The following PRKG1 variants were observed in gnomAD, a reference collection of about 807,000 sequenced individuals.
PRKG1 encodes protein kinase cGMP-dependent 1.
A neutral mutation model predicts 88.1 loss-of-function variants in PRKG1; 35 were observed. The observed-to-expected ratio is 0.40, with a 90% CI of 0.30 to 0.53. The LOEUF is 0.53. Among genes scored for constraint, PRKG1 ranks in the 20% least tolerant of loss-of-function variants. The pLI is 0.59. For missense variants in PRKG1, 540 were observed against 839.8 expected, an observed-to-expected ratio of 0.64 and a Z score of 4.41; for synonymous variants, 303 against 292.5, an observed-to-expected ratio of 1.04 and a Z score of -0.37.
At position 52,188,268 on chromosome 10, in the gene PRKG1, GTA is replaced by G. The variant is rs1839263351; in HGVS notation, c.1076+26314_1076+26315del. Among the ~76,000 whole-genome samples, 2 of 6,874 alleles carry G rather than the reference GTA, an allele frequency of 2.9e-4. 1 individual carries two copies. The highest frequency in any genetic ancestry group is 0.011 in the South Asian group (2 of 180). 4.5% of individuals were successfully genotyped at this position (6,874 alleles called of 152,430 possible). A position where few individuals can be genotyped will look rare whatever the true frequency, so the allele number is the denominator to read the frequency against. On this transcript the variant is annotated intron_variant, in intron 9 of 17. Coordinates refer to ENST00000373980, the MANE Select transcript of PRKG1 (RefSeq NM_006258.4). ...TATATATGTGTATATATATACATAT[GTA>G]TATATATACATATATATGTGTATAT...
intron 3 of PRKG1, among the ~76,000 whole-genome samples, chr10:51,559,252 T>A (rs140056546): frequency 3.0e-4 from 46 of 152,104 alleles, no homozygotes; most frequent in Non-Finnish European, 5.6e-4. Context: ...TCAGGGAAAA[T>A]GCCTTATACA....
Position 52,118,641 on chromosome 10 carries a change from G to A in PRKG1, c.936-15199G>A, listed in dbSNP as rs79286529. Among the ~76,000 whole-genome samples, 403 of 152,062 alleles carry A rather than the reference G, an allele frequency of 2.7e-3. 5 individuals are homozygous for A. The highest frequency in any genetic ancestry group is 9.1e-3 in the African/African-American group (377 of 41,528). On this transcript the variant is annotated intron_variant, in intron 7 of 17. Coordinates refer to ENST00000373980, the MANE Select transcript of PRKG1 (RefSeq NM_006258.4). The stretch of plus-strand genomic sequence containing the variant: ...ATTAATGCTATTTTAAGTTTTGACT[G>A]TATACAGAAGTTTGGCTTTTAGTAC...
chr10:51,695,977 G>A (rs1005690901), intron 3 of PRKG1: 4 of 152,028 alleles, frequency 2.6e-5, no homozygotes, highest in African/African-American at 9.7e-5. Flanking sequence ...CAACATTTAT[G>A]TTCACATCCT....
intron 2 of PRKG1, among the ~76,000 whole-genome samples, chr10:51,439,122 G>A (rs989409673): frequency 6.6e-6 from 1 of 151,454 alleles, no homozygotes; most frequent in Non-Finnish European, 1.5e-5. Flanking sequence ...AGAATGTTTC[G>A]CCCCCCCTTA....
chr10:51,679,502 T>A (rs1192320144), intron 3 of PRKG1, among the ~76,000 whole-genome samples: 2 of 152,098 alleles, frequency 1.3e-5, no homozygotes, highest in African/African-American at 4.8e-5. Flanking sequence ...AAATCTGAAC[T>A]TTTCATTTCG....
intron 1 of PRKG1, among the ~76,000 whole-genome samples, chr10:51,112,217 T>G (rs540729273): frequency 6.6e-6 from 1 of 152,242 alleles, no homozygotes; most frequent in South Asian, 2.1e-4. Context: ...TAGCTTACAT[T>G]TAATACTTTT....
chr10:51,982,802 A>T (rs989997046), intron 5 of PRKG1, among the ~76,000 whole-genome samples: 2 of 151,188 alleles, frequency 1.3e-5, no homozygotes, highest in African/African-American at 2.5e-5. Flanking sequence ...TTCCAGCAGC[A>T]GCAGCAGCAG....
chr10:51,814,529 AC>A (rs1315351479), intron 4 of PRKG1, among the ~76,000 whole-genome samples: 8 of 152,142 alleles, frequency 5.3e-5, no homozygotes, highest in Non-Finnish European at 1.5e-5. Flanking sequence ...AGTTTGTGAA[AC>A]CTGCATTAGA....
chr10:51,398,251 T>C (rs1208595036), intron 2 of PRKG1, among the ~76,000 whole-genome samples: 2 of 152,074 alleles, frequency 1.3e-5, no homozygotes, highest in Non-Finnish European at 2.9e-5. Context: ...TCATCTCAGA[T>C]CATCAGTCAT....
At chr10:51,733,886 A>G (rs1837187707) in intron 3 of PRKG1, among the ~76,000 whole-genome samples, 2 of 152,166 alleles carry the variant, frequency 1.3e-5, no homozygotes, top group Non-Finnish European at 2.9e-5. Context: ...GGTGTTAATT[A>G]GAACTCTGCA....
At chr10:52,068,354 G>A (rs1027057505) in intron 7 of PRKG1, among the ~76,000 whole-genome samples, 1 of 152,090 alleles carries the variant, frequency 6.6e-6, no homozygotes, top group African/African-American at 2.4e-5. Flanking sequence ...TACCCAAAAG[G>A]GATGGGATTA....
chr10:51,984,832 A>C (rs1844110751), intron 5 of PRKG1, among the ~76,000 whole-genome samples: 1 of 152,190 alleles, frequency 6.6e-6, no homozygotes, highest in Admixed American at 6.5e-5. Context: ...TAGAAGATTT[A>C]ACAGAAAAAG....
At chr10:51,462,221 A>C (rs1216172716) in intron 2 of PRKG1, among the ~76,000 whole-genome samples, 1 of 152,186 alleles carries the variant, frequency 6.6e-6, no homozygotes, top group Non-Finnish European at 1.5e-5. Context: ...GTTCCCTTTA[A>C]TAGTCAATCA....
At chr10:52,133,481 T>G (rs16927132) in intron 7 of PRKG1, among the ~76,000 whole-genome samples, 1 of 151,974 alleles carries the variant, frequency 6.6e-6, no homozygotes, top group South Asian at 2.1e-4. Context: ...TCTAGAAGTA[T>G]AGCTTCAAAT....
intron 1 of PRKG1, among the ~76,000 whole-genome samples, chr10:51,133,069 G>T (rs777922474): frequency 2.6e-5 from 4 of 152,114 alleles, no homozygotes; most frequent in Non-Finnish European, 5.9e-5. Context: ...TAGTTAGGTG[G>T]ATGGTGAGAA....
chr10:51,763,603 C>CAA (rs34657565), intron 3 of PRKG1, among the ~76,000 whole-genome samples: 2,279 of 123,976 alleles, frequency 0.018, 63 homozygotes, highest in African/African-American at 0.063. Flanking sequence ...TGATCAAATG[C>CAA]AAAAAAAAAA....
intron 2 of PRKG1, among the ~76,000 whole-genome samples, chr10:51,409,075 C>A: frequency 6.6e-6 from 1 of 152,196 alleles, no homozygotes; most frequent in East Asian, 1.9e-4. Context: ...ATGCAAAGTG[C>A]ACAACCAGGT....
chr10:51,701,384 A>G (rs1360817694), intron 3 of PRKG1, among the ~76,000 whole-genome samples: 1 of 152,234 alleles, frequency 6.6e-6, no homozygotes, highest in Non-Finnish European at 1.5e-5. Flanking sequence ...CAAATAAGAC[A>G]TCCATTTACC....
At position 52,126,695 on chromosome 10, in the gene PRKG1, GCTA is replaced by G. The variant is rs371203271; in HGVS notation, c.936-7142_936-7140del. 3.2e-3 allele frequency among the ~76,000 whole-genome samples: 494 copies of G among 152,192 alleles called. 3 individuals carry two copies. Among genetic ancestry groups the G allele is most frequent in the African/African-American group, 0.011 (447 of 41,504 alleles). On this transcript the variant is annotated intron_variant, in intron 7 of 17. Transcript: ENST00000373980. ...AAAATTGTTCTTATCCTTTAAAAAT[GCTA>G]CTGAAGGATAATGGAAGTTTTATGG...
Sources: gnomAD v4.1 joint callset for allele counts (sites outside exome capture counted in the v4.1 genomes callset) on GRCh38, gnomAD v4.1.1 for gene constraint, MANE v1.5 for transcripts, NCBI Gene and HGNC (gene_info 2026-07-23, HGNC 2026-07-21) for gene names.